The following CALN1 variants were observed in gnomAD, a reference collection of about 807,000 sequenced individuals.
CALN1 encodes the protein calneuron 1, also known as calcium-binding protein 8.
A neutral mutation model predicts 30.6 loss-of-function variants in CALN1; 17 were observed. That is an observed-to-expected ratio of 0.56 (90% CI 0.38 to 0.83). CALN1 has a LOEUF of 0.83. CALN1 is among the 40% of genes least tolerant of loss of function. CALN1 has a pLI of 0.00. For synonymous variants in CALN1, 156 were observed against 131.4 expected, an observed-to-expected ratio of 1.19 and a Z score of -1.28; for missense variants, 291 against 354.9, an observed-to-expected ratio of 0.82 and a Z score of 1.45.
At chr7:72,054,347 C>G (rs1258650851) in intron 4 of CALN1, among the ~76,000 whole-genome samples, 5 of 150,398 alleles carry the variant, frequency 3.3e-5, no homozygotes, top group Non-Finnish European at 7.4e-5. Context: ...TTACATTTTT[C>G]TAATGGTCAG....
chr7:72,037,220 G>A (rs528482936), intron 4 of CALN1, among the ~76,000 whole-genome samples: 69 of 151,886 alleles, frequency 4.5e-4, no homozygotes, highest in Non-Finnish European at 7.9e-4. Context: ...GCGCAATCTC[G>A]GCTCACTGCA....
chr7:71,968,363 G>A (rs553051183), intron 5 of CALN1, among the ~76,000 whole-genome samples: 2 of 152,300 alleles, frequency 1.3e-5, no homozygotes, highest in Non-Finnish European at 2.9e-5. Context: ...CAGACCAGCA[G>A]TTCCTAGGGG....
intron 3 of CALN1, among the ~76,000 whole-genome samples, chr7:72,192,789 G>GC (rs531781236): frequency 1.3e-3 from 189 of 144,730 alleles, no homozygotes; most frequent in African/African-American, 4.6e-3. Context: ...ATCTCCCGAT[G>GC]CTATCCCTCC....
chr7:72,241,660 C>G (rs941508997), intron 3 of CALN1, among the ~76,000 whole-genome samples: 4 of 151,930 alleles, frequency 2.6e-5, no homozygotes, highest in Non-Finnish European at 4.4e-5. Context: ...GAGCCAAGAT[C>G]ACGCCATTGC....
chr7:72,323,686 G>C (rs1032571259), intron 2 of CALN1, among the ~76,000 whole-genome samples: 2 of 149,390 alleles, frequency 1.3e-5, no homozygotes, highest in African/African-American at 4.9e-5. Context: ...AAAAAATAAA[G>C]AGAACAAAAA....
rs185798625 is a variant in CALN1, at chr7:71,805,750, T to C, written c.658+4586A>G. On this transcript the variant is annotated intron_variant, in intron 6 of 6. Transcript: ENST00000395275. ...ATTATAAGATTATAGTTCTTTATAA[T>C]ATAATGATTTATATTCCTTTGGGAA... Among the ~76,000 whole-genome samples the C allele has an allele frequency of 1.6e-4, 24 of 152,288 alleles. No homozygotes were observed. The East Asian group carries it at 4.3e-3, about 27-fold the overall frequency.
chr7:72,188,110 T>C (rs1004679800), intron 3 of CALN1, among the ~76,000 whole-genome samples: 14 of 152,114 alleles, frequency 9.2e-5, no homozygotes, highest in Admixed American at 7.9e-4. Context: ...GATCCAGCAA[T>C]CCCACTACTG....
intron 4 of CALN1, among the ~76,000 whole-genome samples, chr7:72,044,166 T>G (rs962477427): frequency 3.3e-5 from 5 of 152,046 alleles, no homozygotes; most frequent in Admixed American, 2.6e-4. Flanking sequence ...CTGATTGCAC[T>G]TCCTAGTGCT....
At position 72,222,703 on chromosome 7, in the gene CALN1, G is replaced by A. The variant is rs149376108; in HGVS notation, c.244+55983C>T. ...TTGCTTGACACAATCAGAGACCCCC[G>A]TGGCCAGAAATCACAAGCTAAAAAG... On this transcript the variant is annotated intron_variant, in intron 3 of 6. Coordinates refer to ENST00000395275, the MANE Select transcript of CALN1 (RefSeq NM_031468.4). Among the ~76,000 whole-genome samples the A allele has an allele frequency of 1.2e-3, 187 of 152,160 alleles. 1 individual carries two copies. Among genetic ancestry groups the A allele is most frequent in the Admixed American group, 4.2e-3 (64 of 15,268 alleles).
chr7:72,043,645 G>A (rs968642216), intron 4 of CALN1, among the ~76,000 whole-genome samples: 3 of 152,072 alleles, frequency 2.0e-5, no homozygotes, highest in Admixed American at 2.0e-4. Flanking sequence ...ATGTCACTAT[G>A]CTTTGGTCCC....
chr7:71,892,544 G>A (rs1793302941), intron 5 of CALN1, among the ~76,000 whole-genome samples: 1 of 152,166 alleles, frequency 6.6e-6, no homozygotes, highest in Admixed American at 6.5e-5. Context: ...AGAATCGCTT[G>A]AGCCTGGGAG....
intron 1 of CALN1, among the ~76,000 whole-genome samples, chr7:72,432,224 C>T (rs1363458616): frequency 6.6e-6 from 1 of 152,144 alleles, no homozygotes; most frequent in African/African-American, 2.4e-5. Context: ...AGTTCTCCTG[C>T]CTACACTCTC....
chr7:72,291,464 C>T (rs1354808198), intron 2 of CALN1, among the ~76,000 whole-genome samples: 1 of 152,174 alleles, frequency 6.6e-6, no homozygotes, highest in Non-Finnish European at 1.5e-5. Flanking sequence ...GGCATCTCAC[C>T]AGTTCAGAAC....
Position 72,342,135 on chromosome 7 carries a change from C to T in CALN1, c.119+61116G>A, listed in dbSNP as rs182042631. On this transcript the variant is annotated intron_variant, in intron 2 of 6. Transcript: ENST00000395275. ...ATTAGCCAGGTGTGGTAGCATGTGC[C>T]TGTAGTCCTAACTACTCAGGAGGCT... is the stretch of plus-strand genomic sequence containing the variant. Among the ~76,000 whole-genome samples the T allele has an allele frequency of 9.9e-5, 15 of 152,000 alleles. No individual in the cohort carries two copies. The East Asian group carries it at 2.9e-3, about 30-fold the overall frequency.
chr7:72,239,027 C>T (rs747699002), intron 3 of CALN1, among the ~76,000 whole-genome samples: 2 of 152,320 alleles, frequency 1.3e-5, no homozygotes, highest in East Asian at 3.9e-4. Flanking sequence ...ACTCTTCACA[C>T]TAATCTGTGC....
At position 71,786,834 on chromosome 7, in the gene CALN1, C is replaced by T. The variant is rs1180208404; in HGVS notation, c.*941G>A. On this transcript the variant is annotated 3_prime_UTR_variant, in exon 7 of 7. Transcript: ENST00000395275. ...TCAAAACCTCACCGCCAGTCCCAGTCCCCTCCCCCCTCAACCTGCCTCACC... is the reference window on the plus strand; with the variant it reads ...TCAAAACCTCACCGCCAGTCCCAGTTCCCTCCCCCCTCAACCTGCCTCACC... 3 of 152,410 alleles carry T rather than the reference C, an allele frequency of 2.0e-5. No individual in the cohort carries two copies. The highest frequency in any genetic ancestry group is 7.2e-5 in the African/African-American group (3 of 41,414). The allele number at this position is 152,410 out of a possible 1,614,324, so 9.4% of individuals were successfully genotyped here. A position where few individuals can be genotyped will look rare whatever the true frequency, so the allele number is the denominator to read the frequency against.
At chr7:72,469,419 C>T in the CALN1 span, among the ~76,000 whole-genome samples, 4 of 152,114 alleles carry the variant, frequency 2.6e-5, no homozygotes, top group Admixed American at 6.6e-5. Flanking sequence ...ATTTTTGAAG[C>T]AAGGTCTGAC....
At chr7:72,181,008 G>A (rs1476003958) in intron 3 of CALN1, among the ~76,000 whole-genome samples, 5 of 147,816 alleles carry the variant, frequency 3.4e-5, no homozygotes, top group Admixed American at 7.0e-5. Context: ...TGGGGCAGGA[G>A]AATCACTTGA....
chr7:71,863,557 C>CAAAAAAAAAAAAAAA (rs71531769), intron 5 of CALN1, among the ~76,000 whole-genome samples: 3 of 32,212 alleles, frequency 9.3e-5, no homozygotes, highest in Non-Finnish European at 2.3e-4. Context: ...AACTCCATCT[C>CAAAAAAAAAAAAAAA]AAAAAAAAAA....
Sources: gnomAD v4.1 joint callset for allele counts (sites outside exome capture counted in the v4.1 genomes callset) on GRCh38, gnomAD v4.1.1 for gene constraint, MANE v1.5 for transcripts, NCBI Gene and HGNC (gene_info 2026-07-23, HGNC 2026-07-21) for gene names.